FSTL4: variants seen among roughly 807,000 people sequenced by gnomAD.
FSTL4 encodes the protein follistatin like 4.
In FSTL4, 28 loss-of-function variants were observed where a neutral mutation model predicts 78.2. The ratio of observed to expected loss-of-function variants is 0.36; its 90% CI spans 0.27 to 0.49. The LOEUF is 0.49. Ranked by LOEUF, FSTL4 falls within the 20% of genes least tolerant of loss-of-function variation. The pLI, the probability that FSTL4 is intolerant of heterozygous loss-of-function variation, is 0.98. For missense variants in FSTL4, 922 were observed against 1,084.9 expected, an observed-to-expected ratio of 0.85 and a Z score of 2.11; for synonymous variants, 422 against 440.5, an observed-to-expected ratio of 0.96 and a Z score of 0.53.
At chr5:133,819,240 C>A in the FSTL4 span, among the ~76,000 whole-genome samples, 1 of 151,914 alleles carries the variant, frequency 6.6e-6, no homozygotes, top group African/African-American at 2.4e-5. Flanking sequence ...AACAGGCATG[C>A]CCTCTGTCTC....
chr5:133,375,313 A>ATATATATATATATATATATATATATATAT lies in FSTL4; in HGVS notation c.409+25424_409+25425insATATATATATATATATATATATATATATA, dbSNP rs1354744825. Among the ~76,000 whole-genome samples the ATATATATATATATATATATATATATATAT allele has an allele frequency of 9.7e-5, 3 of 31,058 alleles. 1 individual carries two copies. The highest frequency in any genetic ancestry group is 3.5e-4 in the Non-Finnish European group (3 of 8,462). 20.4% of individuals were successfully genotyped at this position (31,058 alleles called of 152,430 possible). On this transcript the variant is annotated intron_variant, in intron 4 of 15. Coordinates refer to ENST00000265342, the MANE Select transcript of FSTL4 (RefSeq NM_015082.2). Reference sequence around the variant, plus strand: ...TGGCATATATATATATATATATATAAAAGACTCTAAAGTTACATACCAAAA... The same window carrying ATATATATATATATATATATATATATATAT: ...TGGCATATATATATATATATATATAATATATATATATATATATATATATATATATAAGACTCTAAAGTTACATACCAAAA...
chr5:133,286,476 A>C (rs1020783886), intron 6 of FSTL4, among the ~76,000 whole-genome samples: 1 of 152,148 alleles, frequency 6.6e-6, no homozygotes, highest in Non-Finnish European at 1.5e-5. Flanking sequence ...ATGTACATCC[A>C]CCCGCTACAA....
chr5:133,473,790 G>A (rs192122128), intron 3 of FSTL4, among the ~76,000 whole-genome samples: 139 of 152,272 alleles, frequency 9.1e-4, no homozygotes, highest in African/African-American at 3.3e-3. Flanking sequence ...AATCATGGTA[G>A]AAGGCACCTC....
chr5:133,318,448 G>C (rs1464755411), intron 4 of FSTL4, among the ~76,000 whole-genome samples: 1 of 152,188 alleles, frequency 6.6e-6, no homozygotes, highest in Non-Finnish European at 1.5e-5. Flanking sequence ...CTCACTCCCT[G>C]AAAGAGGCTG....
At chr5:133,670,721 T>A in the FSTL4 span, among the ~76,000 whole-genome samples, 1 of 152,198 alleles carries the variant, frequency 6.6e-6, no homozygotes, top group East Asian at 1.9e-4. Flanking sequence ...TCCATCTGGA[T>A]TTTTATGTAG....
intron 3 of FSTL4, among the ~76,000 whole-genome samples, chr5:133,532,165 G>A (rs138036313): frequency 3.9e-5 from 6 of 152,290 alleles, no homozygotes; most frequent in African/African-American, 1.4e-4. Flanking sequence ...ACAAGTAGAC[G>A]TCAGAGTGAT....
intron 3 of FSTL4, among the ~76,000 whole-genome samples, chr5:133,436,789 T>C (rs1435400599): frequency 6.6e-6 from 1 of 152,108 alleles, no homozygotes; most frequent in African/African-American, 2.4e-5. Context: ...TAATCACCAA[T>C]TGTGTTTTGA....
chr5:133,322,477 C>T (rs1754095484), intron 4 of FSTL4, among the ~76,000 whole-genome samples: 1 of 152,108 alleles, frequency 6.6e-6, no homozygotes, highest in Non-Finnish European at 1.5e-5. Flanking sequence ...TGAAGATGAT[C>T]CCAAGAAGTG....
At chr5:133,319,109 C>G (rs6891558) in intron 4 of FSTL4, among the ~76,000 whole-genome samples, 13,817 of 152,256 alleles carry the variant, frequency 0.091, 882 homozygotes, top group African/African-American at 0.18. Flanking sequence ...GCTGCAGCAT[C>G]CTCCCCAGGC....
At chr5:133,589,664 C>G (rs1760583796) in intron 2 of FSTL4, among the ~76,000 whole-genome samples, 1 of 152,136 alleles carries the variant, frequency 6.6e-6, no homozygotes, top group South Asian at 2.1e-4. Context: ...CCCAGAAGAC[C>G]ACCTCAAACT....
chr5:133,499,856 C>T (rs1218778140), intron 3 of FSTL4, among the ~76,000 whole-genome samples: 1 of 152,164 alleles, frequency 6.6e-6, no homozygotes, highest in African/African-American at 2.4e-5. Context: ...CTAAATCCTG[C>T]CATGTCATAT....
chr5:133,503,925 C>T (rs143020218), intron 3 of FSTL4, among the ~76,000 whole-genome samples: 86 of 152,228 alleles, frequency 5.6e-4, no homozygotes, highest in African/African-American at 1.9e-3. Context: ...AGGTAACTTA[C>T]GATCATGGCA....
chr5:133,591,538 A>T (rs1302053355), intron 2 of FSTL4, among the ~76,000 whole-genome samples: 1 of 151,880 alleles, frequency 6.6e-6, no homozygotes, highest in Non-Finnish European at 1.5e-5. Flanking sequence ...CTGCACCCAC[A>T]TCCTCCCCTC....
At chr5:133,471,181 A>AT (rs1757820132) in intron 3 of FSTL4, among the ~76,000 whole-genome samples, 1 of 152,168 alleles carries the variant, frequency 6.6e-6, no homozygotes, top group Non-Finnish European at 1.5e-5. Flanking sequence ...TTTGTAAAAT[A>AT]TTGCATTAAA....
At chr5:133,552,840 G>C (rs1463541360) in intron 3 of FSTL4, among the ~76,000 whole-genome samples, 3 of 152,186 alleles carry the variant, frequency 2.0e-5, no homozygotes, top group African/African-American at 4.8e-5. Context: ...CGTGACTTTG[G>C]GGGTATTCAT....
At chr5:133,446,567 C>T (rs541337197) in intron 3 of FSTL4, among the ~76,000 whole-genome samples, 4 of 152,202 alleles carry the variant, frequency 2.6e-5, no homozygotes, top group South Asian at 2.1e-4. Flanking sequence ...TGTTCTCTTT[C>T]GAGTGGTTCC....
chr5:133,478,256 A>G (rs1003920547), intron 3 of FSTL4, among the ~76,000 whole-genome samples: 1 of 152,204 alleles, frequency 6.6e-6, no homozygotes. Flanking sequence ...ATTTGGATTT[A>G]GGCTCACTCA....
chr5:133,408,541 AG>A, intron 3 of FSTL4, among the ~76,000 whole-genome samples: 1 of 117,060 alleles, frequency 8.5e-6, no homozygotes, highest in Non-Finnish European at 1.6e-5. Flanking sequence ...GACCGAGCTG[AG>A]GATGCAGCTC....
intron 4 of FSTL4, among the ~76,000 whole-genome samples, chr5:133,333,814 G>C (rs1217636117): frequency 1.3e-5 from 2 of 152,232 alleles, no homozygotes; most frequent in Non-Finnish European, 2.9e-5. Context: ...TGAGACTGAA[G>C]GGAAAGGAAA....
Sources: gnomAD v4.1 joint callset for allele counts (sites outside exome capture counted in the v4.1 genomes callset) on GRCh38, gnomAD v4.1.1 for gene constraint, MANE v1.5 for transcripts, NCBI Gene and HGNC (gene_info 2026-07-23, HGNC 2026-07-21) for gene names.